RNF125: variants seen among roughly 807,000 people sequenced by gnomAD.
RNF125 encodes E3 ubiquitin-protein ligase RNF125.
In RNF125, 21 loss-of-function variants were observed where a neutral mutation model predicts 26.0. The ratio of observed to expected loss-of-function variants is 0.81; its 90% CI spans 0.57 to 1.16. The LOEUF (loss-of-function observed/expected upper bound fraction) is 1.16, where lower values mean the gene tolerates loss of function less well. Among genes scored for constraint, RNF125 ranks in the 50% most tolerant of loss-of-function variants. RNF125 has a pLI of 0.00. For missense variants in RNF125, 270 were observed against 299.4 expected (o/e 0.90, Z 0.72); for synonymous variants, 95 against 109.2 (o/e 0.87, Z 0.81).
intron 2 of RNF125, among the ~76,000 whole-genome samples, chr18:32,039,120 G>A (rs1177244164): frequency 6.6e-6 from 1 of 151,440 alleles, no homozygotes; most frequent in African/African-American, 2.4e-5. Context: ...ATGGTTTGGA[G>A]GCCAGGCGCA....
At chr18:32,077,895 C>T (rs192138851), downstream of RNF125, among the ~76,000 whole-genome samples, 4 of 150,724 alleles carry the variant, frequency 2.7e-5, no homozygotes. Context: ...TCCAAGTGAT[C>T]CTCCTACCTC....
At chr18:32,035,763 G>A (rs893339800) in intron 1 of RNF125, among the ~76,000 whole-genome samples, 1 of 152,218 alleles carries the variant, frequency 6.6e-6, no homozygotes, top group East Asian at 1.9e-4. Flanking sequence ...GGATGAGAAA[G>A]CTGCAGTCTA....
intron 4 of RNF125, among the ~76,000 whole-genome samples, chr18:32,047,866 C>T (rs2039286734): frequency 6.6e-6 from 1 of 152,166 alleles, no homozygotes; most frequent in Admixed American, 6.6e-5. Flanking sequence ...GTGGCTCACA[C>T]CTGTAATCCA....
At chr18:32,080,670 C>T in the RNF125 span, among the ~76,000 whole-genome samples, 2 of 152,174 alleles carry the variant, frequency 1.3e-5, no homozygotes, top group Non-Finnish European at 2.9e-5. Context: ...AACAAGGTGA[C>T]TATAGATAAC....
chr18:32,030,902 A>G (rs1037128751), intron 1 of RNF125: 3 of 152,070 alleles, frequency 2.0e-5, no homozygotes, highest in African/African-American at 4.8e-5. Context: ...GGGTCTCACT[A>G]TGTTGCACAA....
chr18:32,046,102 AGCTACTAGGGAG>A, intron 4 of RNF125, among the ~76,000 whole-genome samples: 1 of 151,608 alleles, frequency 6.6e-6, no homozygotes. Context: ...GTGTAATCCC[AGCTACTAGGGAG>A]GCTGAGGCAG....
chr18:32,047,623 T>C (rs2039284750), intron 4 of RNF125, among the ~76,000 whole-genome samples: 2 of 152,212 alleles, frequency 1.3e-5, no homozygotes, highest in South Asian at 2.1e-4. Context: ...TATAAAATGA[T>C]ACTTTGAAGA....
chr18:32,045,356 C>T (rs980101112), intron 3 of RNF125, among the ~76,000 whole-genome samples: 14 of 151,518 alleles, frequency 9.2e-5, no homozygotes, highest in African/African-American at 7.3e-5. Flanking sequence ...GTCAGGAGTT[C>T]GAGACCATCC....
chr18:32,056,644 A>G (rs1390747841), intron 4 of RNF125, among the ~76,000 whole-genome samples: 1 of 149,214 alleles, frequency 6.7e-6, no homozygotes, highest in Non-Finnish European at 1.5e-5. Flanking sequence ...AAAAAAAGAC[A>G]ATTATAGAAA....
intron 4 of RNF125, among the ~76,000 whole-genome samples, chr18:32,057,750 G>A (rs1309901962): frequency 6.6e-6 from 1 of 152,052 alleles, no homozygotes; most frequent in Admixed American, 6.6e-5. Flanking sequence ...TTGTTTCTCT[G>A]AAAGAAATTA....
At chr18:32,056,858 C>T (rs941139119) in intron 4 of RNF125, among the ~76,000 whole-genome samples, 1 of 152,140 alleles carries the variant, frequency 6.6e-6, no homozygotes, top group African/African-American at 2.4e-5. Context: ...AAACCTTCTT[C>T]CTTACCTCTC....
In RNF125 at chr18:32,066,045, A is replaced by T. The variant is rs373691419; in HGVS notation, c.612+36A>T. ...TTTCTTATTTTTACATTATGTTTTCATGCTGTCTTGTTAAGCTTACCTTTC... is the reference window on the plus strand; with the variant it reads ...TTTCTTATTTTTACATTATGTTTTCTTGCTGTCTTGTTAAGCTTACCTTTC... On this transcript the variant is annotated intron_variant, in intron 5 of 5. Coordinates refer to ENST00000217740, the MANE Select transcript of RNF125 (RefSeq NM_017831.4). The T allele has an allele frequency of 3.3e-5, 44 of 1,344,858 alleles. No individual in the cohort carries two copies. The African/African-American group carries it at 6.2e-4, about 19-fold the overall frequency. 83.3% of individuals were successfully genotyped at this position (1,344,858 alleles called of 1,614,324 possible).
At chr18:32,076,231 G>T, downstream of RNF125, 1 of 452,138 alleles carries the variant, frequency 2.2e-6, no homozygotes, top group South Asian at 2.0e-5. Context: ...TGGCATTGTT[G>T]ATGCTCTTGA....
chr18:32,076,999 C>T (rs2039574719), downstream of RNF125, among the ~76,000 whole-genome samples: 1 of 152,110 alleles, frequency 6.6e-6, no homozygotes, highest in Admixed American at 6.5e-5. Flanking sequence ...TTATCTTATA[C>T]ATTTATTTTC....
chr18:32,082,050 T>G, the RNF125 span, among the ~76,000 whole-genome samples: 443 of 152,178 alleles, frequency 2.9e-3, 3 homozygotes, highest in African/African-American at 0.01. Flanking sequence ...GCAACCGGAG[T>G]GGGAAGGAAT....
At chr18:32,054,650 T>C (rs1185747686) in intron 4 of RNF125, among the ~76,000 whole-genome samples, 2 of 152,246 alleles carry the variant, frequency 1.3e-5, no homozygotes, top group Non-Finnish European at 2.9e-5. Flanking sequence ...ATTTCTGACC[T>C]GCCCAAGGGC....
chr18:32,035,220 A>G (rs187781738), intron 1 of RNF125, among the ~76,000 whole-genome samples: 8 of 152,322 alleles, frequency 5.3e-5, no homozygotes, highest in Admixed American at 5.2e-4. Flanking sequence ...GGAGGAATGG[A>G]TGCTGGACAG....
chr18:32,076,669 C>A (rs1341003209), downstream of RNF125, among the ~76,000 whole-genome samples: 1 of 152,084 alleles, frequency 6.6e-6, no homozygotes, highest in East Asian at 1.9e-4. Context: ...GAAAGCCCTT[C>A]ACAACCTGGT....
rs531359054 is a variant in RNF125, at chr18:32,021,368, T to C, written c.164+2341T>C. Among the ~76,000 whole-genome samples the C allele has an allele frequency of 2.8e-3, 427 of 152,338 alleles. 3 individuals carry two copies. The highest frequency in any genetic ancestry group is 9.9e-3 in the African/African-American group (410 of 41,580). ...GTGCTGGGATTACAGGCGTGAGCCATGGAGCCCGGCCGTAGCTGTATTTTC... is the reference window on the plus strand; with the variant it reads ...GTGCTGGGATTACAGGCGTGAGCCACGGAGCCCGGCCGTAGCTGTATTTTC... On this transcript the variant is annotated intron_variant, in intron 1 of 5. Coordinates refer to ENST00000217740, the MANE Select transcript of RNF125 (RefSeq NM_017831.4).
Sources: gnomAD v4.1 joint callset for allele counts (sites outside exome capture counted in the v4.1 genomes callset) on GRCh38, gnomAD v4.1.1 for gene constraint, MANE v1.5 for transcripts, NCBI Gene and HGNC (gene_info 2026-07-23, HGNC 2026-07-21) for gene names.